The following SLC24A2 variants were observed in gnomAD, a reference collection of about 807,000 sequenced individuals.
The protein encoded by SLC24A2 is solute carrier family 24 member 2.
A neutral mutation model predicts 62.0 loss-of-function variants in SLC24A2; 36 were observed. The ratio of observed to expected loss-of-function variants is 0.58; its 90% CI spans 0.44 to 0.77. The LOEUF is 0.77. SLC24A2 is among the 30% of genes least tolerant of loss of function. The pLI, the probability that SLC24A2 is intolerant of heterozygous loss-of-function variation, is 0.00. For synonymous variants in SLC24A2, 358 were observed against 294.0 expected (o/e 1.22, Z -2.23); for missense variants, 846 against 817.9 (o/e 1.03, Z -0.42).
chr9:19,564,434 T>C (rs537152197), intron 7 of SLC24A2, among the ~76,000 whole-genome samples: 1 of 152,352 alleles, frequency 6.6e-6, no homozygotes, highest in Admixed American at 6.5e-5. Context: ...AGAAAGAGCT[T>C]AATATGGCAA....
chr9:19,763,503 T>C (rs1480586404), intron 2 of SLC24A2, among the ~76,000 whole-genome samples: 5 of 152,206 alleles, frequency 3.3e-5, no homozygotes. Flanking sequence ...CAATACCTTG[T>C]TTATGGAGTG....
At chr9:20,140,007 C>T in the SLC24A2 span, among the ~76,000 whole-genome samples, 2 of 152,196 alleles carry the variant, frequency 1.3e-5, no homozygotes, top group African/African-American at 4.8e-5. Context: ...GGGACTGATG[C>T]GTGCTGCTCA....
chr9:19,577,853 A>AAT (rs977061559), intron 5 of SLC24A2, among the ~76,000 whole-genome samples: 1 of 148,344 alleles, frequency 6.7e-6, no homozygotes, highest in Non-Finnish European at 1.5e-5. Context: ...ATATATATAA[A>AAT]ATATATATAT....
At chr9:20,077,662 T>C in the SLC24A2 span, among the ~76,000 whole-genome samples, 1 of 152,152 alleles carries the variant, frequency 6.6e-6, no homozygotes, top group Non-Finnish European at 1.5e-5. Flanking sequence ...CCAGAATTAA[T>C]ACCAAGGAGT....
intron 8 of SLC24A2, among the ~76,000 whole-genome samples, chr9:19,533,428 A>C (rs1833802108): frequency 6.6e-6 from 1 of 152,190 alleles, no homozygotes. Context: ...CTATTTTTCC[A>C]CTCTTCGAAT....
At chr9:19,807,924 C>T in the SLC24A2 span, among the ~76,000 whole-genome samples, 1 of 152,304 alleles carries the variant, frequency 6.6e-6, no homozygotes, top group East Asian at 1.9e-4. Flanking sequence ...CCTGAAACAT[C>T]TTATCTTTAA....
At chr9:19,826,030 C>A in the SLC24A2 span, among the ~76,000 whole-genome samples, 1 of 152,026 alleles carries the variant, frequency 6.6e-6, no homozygotes, top group Non-Finnish European at 1.5e-5. Flanking sequence ...CTCTGAATGA[C>A]TATTCTCCTT....
At chr9:19,640,850 G>C (rs1427413781) in intron 2 of SLC24A2, among the ~76,000 whole-genome samples, 3 of 152,070 alleles carry the variant, frequency 2.0e-5, no homozygotes, top group African/African-American at 7.2e-5. Flanking sequence ...CAAGATTTTG[G>C]GTACCCCCTT....
At chr9:20,241,495 C>A in the SLC24A2 span, among the ~76,000 whole-genome samples, 1 of 152,156 alleles carries the variant, frequency 6.6e-6, no homozygotes, top group Non-Finnish European at 1.5e-5. Context: ...TCTCAGCATA[C>A]AGACTATGAG....
the SLC24A2 span, among the ~76,000 whole-genome samples, chr9:20,132,472 G>A: frequency 6.6e-6 from 1 of 151,988 alleles, no homozygotes; most frequent in Admixed American, 6.6e-5. Context: ...GGGGTTTTTT[G>A]GGGCCATGAT....
At chr9:20,046,053 C>T in the SLC24A2 span, among the ~76,000 whole-genome samples, 2 of 152,212 alleles carry the variant, frequency 1.3e-5, no homozygotes, top group African/African-American at 4.8e-5. Flanking sequence ...TCAAAAGTCC[C>T]AACACTGACA....
At chr9:19,925,016 A>G in the SLC24A2 span, among the ~76,000 whole-genome samples, 4 of 152,288 alleles carry the variant, frequency 2.6e-5, no homozygotes, top group South Asian at 6.2e-4. Context: ...TCAATGCATC[A>G]AAGTGGAATT....
chr9:19,799,409 G>C, the SLC24A2 span, among the ~76,000 whole-genome samples: 1 of 152,084 alleles, frequency 6.6e-6, no homozygotes, highest in Non-Finnish European at 1.5e-5. Flanking sequence ...CACGTTCTGT[G>C]TTTATCTATT....
the SLC24A2 span, among the ~76,000 whole-genome samples, chr9:20,027,492 G>C: frequency 2.0e-5 from 3 of 152,266 alleles, no homozygotes; most frequent in South Asian, 2.1e-4. Flanking sequence ...AAATCCTGCT[G>C]TTTGTGACAA....
the SLC24A2 span, among the ~76,000 whole-genome samples, chr9:20,044,882 T>G: frequency 7.4e-4 from 113 of 152,158 alleles, 1 homozygote; most frequent in Non-Finnish European, 2.9e-5. Context: ...TTAGAGTGAC[T>G]CAGCACAGGG....
At chr9:19,909,978 A>G in the SLC24A2 span, among the ~76,000 whole-genome samples, 1 of 152,080 alleles carries the variant, frequency 6.6e-6, no homozygotes, top group Non-Finnish European at 1.5e-5. Flanking sequence ...TGGCCCTTCC[A>G]TATTCACTCA....
chr9:20,207,194 T>G, the SLC24A2 span, among the ~76,000 whole-genome samples: 26 of 152,222 alleles, frequency 1.7e-4, no homozygotes, highest in Non-Finnish European at 2.9e-4. Flanking sequence ...TATCTGAAAT[T>G]TTCTTGCATT....
the SLC24A2 span, among the ~76,000 whole-genome samples, chr9:20,163,997 A>T: frequency 6.6e-6 from 1 of 152,198 alleles, no homozygotes; most frequent in Non-Finnish European, 1.5e-5. Context: ...TGGATTAAAG[A>T]CTTACATGTT....
intron 2 of SLC24A2, among the ~76,000 whole-genome samples, chr9:19,636,331 CTT>C (rs1564009833): frequency 5.1e-5 from 1 of 19,576 alleles, no homozygotes. Flanking sequence ...TTCTTTCTTT[CTT>C]TCTTTCTTTC....
Sources: gnomAD v4.1 joint callset for allele counts (sites outside exome capture counted in the v4.1 genomes callset) on GRCh38, gnomAD v4.1.1 for gene constraint, MANE v1.5 for transcripts, NCBI Gene and HGNC (gene_info 2026-07-23, HGNC 2026-07-21) for gene names.